Variants in FGF14 observed in about 807,000 individuals in gnomAD.
FGF14 encodes fibroblast growth factor 14.
Under a neutral mutation model 25.5 loss-of-function variants are expected in FGF14, and 5 were observed. The ratio of observed to expected loss-of-function variants is 0.20; its 90% CI spans 0.10 to 0.41. The LOEUF is 0.41. Ranked by LOEUF, FGF14 falls within the 10% of genes least tolerant of loss-of-function variation. FGF14 has a pLI of 1.00. For synonymous variants in FGF14, 138 were observed against 118.3 expected (o/e 1.17, Z -1.08); for missense variants, 222 against 320.1 (o/e 0.69, Z 2.34).
At chr13:102,197,730 T>C (rs1279953269) in intron 1 of FGF14, among the ~76,000 whole-genome samples, 1 of 152,116 alleles carries the variant, frequency 6.6e-6, no homozygotes, top group Non-Finnish European at 1.5e-5. Flanking sequence ...TAGATATACA[T>C]ATGCTATATA....
chr13:102,161,570 A>AAGAAGAAGAAAGAAGAAG, intron 1 of FGF14, among the ~76,000 whole-genome samples: 1 of 5,652 alleles, frequency 1.8e-4, no homozygotes, highest in African/African-American at 3.0e-3. Context: ...TTCTGTGAAG[A>AAGAAGAAGAAAGAAGAAG]AAGAAAGAAG....
intron 1 of FGF14, among the ~76,000 whole-genome samples, chr13:101,960,077 C>G (rs889014002): frequency 6.6e-6 from 1 of 152,164 alleles, no homozygotes; most frequent in Non-Finnish European, 1.5e-5. Context: ...TTGACTAACA[C>G]AAATCAGTTT....
intron 3 of FGF14, among the ~76,000 whole-genome samples, chr13:101,832,677 AC>A (rs2042732590): frequency 6.6e-6 from 1 of 151,732 alleles, no homozygotes; most frequent in Admixed American, 6.6e-5. Flanking sequence ...ATCCCTCCCT[AC>A]CCCGCTTTCA....
At chr13:102,005,296 G>T (rs2039722300) in intron 1 of FGF14, among the ~76,000 whole-genome samples, 1 of 152,164 alleles carries the variant, frequency 6.6e-6, no homozygotes, top group East Asian at 1.9e-4. Flanking sequence ...ATAAGCCCAA[G>T]AAATGTCTAT....
intron 1 of FGF14, chr13:102,017,086 C>T (rs73563674): frequency 0.03 from 4,798 of 160,500 alleles, 245 homozygotes; most frequent in African/African-American, 0.11. Flanking sequence ...TTTTAACATA[C>T]ACTTTAACTT....
chr13:101,871,071 G>A (rs2045047705), intron 2 of FGF14, among the ~76,000 whole-genome samples: 1 of 152,106 alleles, frequency 6.6e-6, no homozygotes, highest in Non-Finnish European at 1.5e-5. Flanking sequence ...CTAAAATGTG[G>A]AGAACCATTC....
chr13:102,148,946 G>A (rs750071724), intron 1 of FGF14, among the ~76,000 whole-genome samples: 1 of 152,148 alleles, frequency 6.6e-6, no homozygotes, highest in Non-Finnish European at 1.5e-5. Context: ...AATGTGTGCT[G>A]CAGTGCCGCA....
intron 1 of FGF14, among the ~76,000 whole-genome samples, chr13:102,127,577 T>C (rs1028663080): frequency 6.6e-6 from 1 of 152,218 alleles, no homozygotes; most frequent in Non-Finnish European, 1.5e-5. Flanking sequence ...CTTAAAACCA[T>C]AAGAAACCCT....
chr13:101,875,304 G>A lies in FGF14; in HGVS notation c.194-8C>T. ...TACCCTTGAGCTGGGGATCTGAAAG[G>A]CAAACATAGTTATCATAAGCCTCAC... is the stretch of plus-strand genomic sequence containing the variant. On this transcript the variant is annotated splice_region_variant and splice_polypyrimidine_tract_variant and intron_variant, in intron 1 of 4. Transcript: ENST00000376143. 6.3e-7 allele frequency: 1 copy of A among 1,578,828 alleles called. No homozygotes were observed. Among genetic ancestry groups the A allele is most frequent in the Non-Finnish European group, 8.7e-7 (1 of 1,148,166 alleles).
chr13:101,889,609 A>T (rs1594620261), intron 1 of FGF14, among the ~76,000 whole-genome samples: 1 of 152,212 alleles, frequency 6.6e-6, no homozygotes, highest in Non-Finnish European at 1.5e-5. Context: ...CAAACCACTC[A>T]TCAAGCAAAA....
Position 101,875,265 on chromosome 13 carries a change from T to C in FGF14, c.225A>G (p.Leu75=). 1 of 1,613,428 alleles carries C rather than the reference T, an allele frequency of 6.2e-7. No homozygotes were observed. Among genetic ancestry groups the C allele is most frequent in the Non-Finnish European group, 8.5e-7 (1 of 1,179,476 alleles). The part of the protein sequence containing the change: ...DPQLKGIVTR[L]YCRQGYYLQM... ...GCAAGTAGTAGCCTTGCCTGCAATA[T>C]AACCTGGTCACTATACCCTTGAGCT... Residue 75 remains leucine (L), a synonymous_variant, in exon 2 of 5, where the codon TTA becomes TTG. Coordinates refer to ENST00000376143, the MANE Select transcript of FGF14 (RefSeq NM_004115.4).
chr13:101,850,331 G>A (rs1378965548), intron 3 of FGF14, among the ~76,000 whole-genome samples: 1 of 142,974 alleles, frequency 7.0e-6, no homozygotes, highest in Non-Finnish European at 1.5e-5. Flanking sequence ...GCAGGCGCCT[G>A]TTGTCCCAGC....
intron 1 of FGF14, among the ~76,000 whole-genome samples, chr13:102,095,119 C>T (rs79181669): frequency 0.023 from 3,521 of 152,090 alleles, 102 homozygotes; most frequent in Non-Finnish European, 0.027. Flanking sequence ...AAATTCCTGC[C>T]GGAGGAAACT....
chr13:102,098,222 T>C (rs1186965613), intron 1 of FGF14, among the ~76,000 whole-genome samples: 1 of 152,240 alleles, frequency 6.6e-6, no homozygotes, highest in African/African-American at 2.4e-5. Context: ...CCTGCATCTA[T>C]GCAGAAAACA....
At chr13:102,374,834 G>A (rs1245944853) in intron 1 of FGF14, among the ~76,000 whole-genome samples, 1 of 151,248 alleles carries the variant, frequency 6.6e-6, no homozygotes, top group Non-Finnish European at 1.5e-5. Flanking sequence ...TGATTCAAGA[G>A]ATATAGGTAG....
At chr13:101,794,191 C>G (rs948070504) in intron 3 of FGF14, among the ~76,000 whole-genome samples, 6 of 115,226 alleles carry the variant, frequency 5.2e-5, no homozygotes, top group African/African-American at 1.0e-4. Flanking sequence ...CACTGTCTCT[C>G]TCCCCCTGGT....
At chr13:102,170,400 A>T (rs1435489583) in intron 1 of FGF14, among the ~76,000 whole-genome samples, 1 of 151,602 alleles carries the variant, frequency 6.6e-6, no homozygotes, top group Non-Finnish European at 1.5e-5. Context: ...CTCCTTCTTT[A>T]ATAGCAAGGC....
intron 1 of FGF14, among the ~76,000 whole-genome samples, chr13:102,314,758 G>A (rs552223981): frequency 2.6e-4 from 39 of 152,126 alleles, no homozygotes; most frequent in East Asian, 3.9e-4. Context: ...AAAAAAAGTC[G>A]TCTTGTGTAT....
At chr13:102,305,881 T>G (rs2055347600) in intron 1 of FGF14, among the ~76,000 whole-genome samples, 1 of 152,164 alleles carries the variant, frequency 6.6e-6, no homozygotes, top group East Asian at 1.9e-4. Context: ...AGAGAAGAAC[T>G]GCTGTAAATC....
Sources: gnomAD v4.1 joint callset for allele counts (sites outside exome capture counted in the v4.1 genomes callset) on GRCh38, gnomAD v4.1.1 for gene constraint, MANE v1.5 for transcripts, NCBI Gene and HGNC (gene_info 2026-07-23, HGNC 2026-07-21) for gene names.